CCDC192: variants seen among roughly 807,000 people sequenced by gnomAD.
CCDC192 encodes coiled-coil domain containing 192.
chr5:127,719,127 A>C (rs1035016608), intron 2 of CCDC192, among the ~76,000 whole-genome samples: 1 of 152,138 alleles, frequency 6.6e-6, no homozygotes, highest in Non-Finnish European at 1.5e-5. Flanking sequence ...TTTAGCTCCC[A>C]AAAATAAGTG....
At chr5:127,927,892 G>A (rs1753907503) in intron 6 of CCDC192, among the ~76,000 whole-genome samples, 1 of 147,928 alleles carries the variant, frequency 6.8e-6, no homozygotes, top group Non-Finnish European at 1.5e-5. Flanking sequence ...ACAAATTATA[G>A]TATAACAGTA....
At position 127,752,311 on chromosome 5, in the gene CCDC192, T is replaced by C. The variant is rs1173868989; in HGVS notation, c.115-1957T>C. Among the ~76,000 whole-genome samples, 8 of 152,336 alleles carry C rather than the reference T, an allele frequency of 5.3e-5. No individual in the cohort carries two copies. The East Asian group carries it at 1.5e-3, about 29-fold the overall frequency. On this transcript the variant is annotated intron_variant, in intron 2 of 6. Coordinates refer to ENST00000514853, the MANE Select transcript of CCDC192 (RefSeq NM_001317938.2). ...TTTTTGGTGTGGATGTCCTTTCTGT[T>C]TGTTAGTTTTCCTTCTAACAGACAG...
intron 5 of CCDC192, among the ~76,000 whole-genome samples, chr5:127,835,177 G>C (rs1227304016): frequency 2.0e-5 from 3 of 152,072 alleles, no homozygotes; most frequent in Admixed American, 1.3e-4. Flanking sequence ...TTGATAAACT[G>C]CATCAAATTT....
chr5:127,935,175 C>T (rs966749017), intron 6 of CCDC192: 2 of 152,222 alleles, frequency 1.3e-5, no homozygotes, highest in Non-Finnish European at 2.9e-5. Flanking sequence ...AGTGCTGCCC[C>T]TCCCCTACTT....
chr5:127,867,069 C>T (rs147289448), intron 5 of CCDC192, among the ~76,000 whole-genome samples: 1 of 152,280 alleles, frequency 6.6e-6, no homozygotes, highest in East Asian at 1.9e-4. Context: ...GCCTTCGGGG[C>T]AGAGTGGGGT....
chr5:127,710,298 G>T (rs1751249042), intron 2 of CCDC192, among the ~76,000 whole-genome samples: 3 of 152,148 alleles, frequency 2.0e-5, no homozygotes, highest in Non-Finnish European at 2.9e-5. Flanking sequence ...GGATTCTGCT[G>T]TGAACCATGA....
At chr5:127,911,724 G>C (rs994189150) in intron 6 of CCDC192, among the ~76,000 whole-genome samples, 1 of 121,762 alleles carries the variant, frequency 8.2e-6, no homozygotes, top group Non-Finnish European at 1.7e-5. Flanking sequence ...TTTTTTTACA[G>C]ACAGGGTGGT....
rs368766252 is a variant in CCDC192 at position 127,822,546 on chromosome 5, C to T, written c.411+24384C>T. Among the ~76,000 whole-genome samples, 8 of 152,122 alleles carry T rather than the reference C, an allele frequency of 5.3e-5. No homozygotes were observed. In the East Asian group the frequency reaches 9.7e-4, roughly 18 times the overall value. ...GGCTAAAAAGAAAAAGAAAAACAGA[C>T]TATGAAAAGGGAGAGGGGTTCTGGG... On this transcript the variant is annotated intron_variant, in intron 5 of 6. Coordinates refer to ENST00000514853, the MANE Select transcript of CCDC192 (RefSeq NM_001317938.2).
At chr5:127,813,998 A>G (rs772631264) in intron 5 of CCDC192, among the ~76,000 whole-genome samples, 1 of 152,214 alleles carries the variant, frequency 6.6e-6, no homozygotes, top group Non-Finnish European at 1.5e-5. Context: ...TGATCCTCAC[A>G]AGCCAGTTTC....
intron 5 of CCDC192, among the ~76,000 whole-genome samples, chr5:127,828,556 T>C (rs1405408717): frequency 6.6e-6 from 1 of 152,236 alleles, no homozygotes; most frequent in Non-Finnish European, 1.5e-5. Context: ...GTGTCTCTTC[T>C]GGTACTTTCA....
chr5:127,909,743 C>G (rs926717329), intron 6 of CCDC192, among the ~76,000 whole-genome samples: 1 of 152,134 alleles, frequency 6.6e-6, no homozygotes, highest in African/African-American at 2.4e-5. Context: ...CAATGATGCA[C>G]TGAAGTTTAC....
intron 5 of CCDC192, among the ~76,000 whole-genome samples, chr5:127,834,468 C>T (rs1316999649): frequency 6.6e-6 from 1 of 152,082 alleles, no homozygotes; most frequent in East Asian, 1.9e-4. Flanking sequence ...TATAGGGCCC[C>T]AACCAATGAA....
chr5:127,896,289 T>C (rs190478340), intron 6 of CCDC192, among the ~76,000 whole-genome samples: 71 of 152,162 alleles, frequency 4.7e-4, no homozygotes, highest in Non-Finnish European at 7.4e-4. Context: ...ATAATAATAA[T>C]AATAATTTTA....
rs1333539158 is a variant in CCDC192 at position 127,822,948 on chromosome 5, TAAGAC to T, written c.411+24790_411+24794del. On this transcript the variant is annotated intron_variant, in intron 5 of 6. Coordinates refer to ENST00000514853, the MANE Select transcript of CCDC192 (RefSeq NM_001317938.2). ...GATATCTTCTTGTGGTTCCAGGTCT[TAAGAC>T]AAGGTTTCCAGGGAGAGAAAGAACC... is the stretch of plus-strand genomic sequence containing the variant. Among the ~76,000 whole-genome samples the T allele has an allele frequency of 2.0e-5, 3 of 152,142 alleles. No homozygotes were observed. The East Asian group carries it at 5.8e-4, about 29-fold the overall frequency.
chr5:127,765,114 C>T (rs1755145397), intron 3 of CCDC192, among the ~76,000 whole-genome samples: 1 of 152,172 alleles, frequency 6.6e-6, no homozygotes, highest in Non-Finnish European at 1.5e-5. Context: ...AGGTTCCTAG[C>T]ACTCTTAAAT....
chr5:127,729,315 A>C (rs531264064), intron 2 of CCDC192, among the ~76,000 whole-genome samples: 1 of 152,246 alleles, frequency 6.6e-6, no homozygotes, highest in Non-Finnish European at 1.5e-5. Flanking sequence ...AGAGCTAACT[A>C]TCCTAAATAT....
intron 6 of CCDC192, among the ~76,000 whole-genome samples, chr5:127,908,592 A>T (rs993001761): frequency 6.6e-6 from 1 of 152,202 alleles, no homozygotes; most frequent in Admixed American, 6.5e-5. Flanking sequence ...TAAAACTGTT[A>T]TATTTGTACC....
At chr5:127,904,278 T>A (rs902441778) in intron 6 of CCDC192, among the ~76,000 whole-genome samples, 2 of 152,212 alleles carry the variant, frequency 1.3e-5, no homozygotes, top group Non-Finnish European at 2.9e-5. Flanking sequence ...TTTAGCCCGG[T>A]GAAACCTATG....
At chr5:127,730,031 C>A (rs1194389945) in intron 2 of CCDC192, among the ~76,000 whole-genome samples, 1 of 152,010 alleles carries the variant, frequency 6.6e-6, no homozygotes. Context: ...CAAAGTGGAA[C>A]TGAAGAAGAT....
Sources: gnomAD v4.1 joint callset for allele counts (sites outside exome capture counted in the v4.1 genomes callset) on GRCh38, gnomAD v4.1.1 for gene constraint, MANE v1.5 for transcripts, NCBI Gene and HGNC (gene_info 2026-07-23, HGNC 2026-07-21) for gene names.